Variants in DNAH5 observed in about 807,000 individuals in gnomAD.
The protein encoded by DNAH5 is dynein axonemal heavy chain 5, also known as axonemal beta dynein heavy chain 5.
DNAH5 carries 372 observed loss-of-function variants against 518.2 expected under a neutral mutation model. The observed-to-expected ratio is 0.72, with a 90% CI of 0.66 to 0.78. DNAH5 has a LOEUF of 0.78. Ranked by LOEUF, DNAH5 falls within the 30% of genes least tolerant of loss-of-function variation. The pLI, the probability that DNAH5 is intolerant of heterozygous loss-of-function variation, is 0.00. For missense variants in DNAH5, 5,523 were observed against 5,687.0 expected, an observed-to-expected ratio of 0.97 and a Z score of 0.93; for synonymous variants, 2,039 against 2,025.9, an observed-to-expected ratio of 1.01 and a Z score of -0.17.
chr5:13,841,979 C>T, intron 32 of DNAH5, 75 bp from the exon 33 acceptor site: 2 of 918,974 alleles, frequency 2.2e-6, no homozygotes, highest in Non-Finnish European at 3.4e-6. Flanking sequence ...ATTGACTTGT[C>T]CTTCCCAAAG....
chr5:13,841,168 C>T (rs768274602), intron 33 of DNAH5, 38 bp from the exon 34 acceptor site: 1 of 1,473,742 alleles, frequency 6.8e-7, no homozygotes, highest in Non-Finnish European at 9.5e-7. Flanking sequence ...ATTTGTATGG[C>T]ATATTTATGT....
At chr5:13,771,353 A>G (rs1443519647) in intron 55 of DNAH5, 1 of 268,806 alleles carries the variant, frequency 3.7e-6, no homozygotes, top group Middle Eastern at 1.3e-3. Context: ...CATATTTAAC[A>G]ATGCCATTTA....
At chr5:13,710,506 AAT>A (rs1223704033) in intron 75 of DNAH5, among the ~76,000 whole-genome samples, 1 of 152,228 alleles carries the variant, frequency 6.6e-6, no homozygotes, top group African/African-American at 2.4e-5. Flanking sequence ...AACTAAATGA[AAT>A]TGAAACAAAA....
chr5:13,749,544 T>G (rs1749912749), intron 65 of DNAH5, among the ~76,000 whole-genome samples: 1 of 152,198 alleles, frequency 6.6e-6, no homozygotes, highest in East Asian at 1.9e-4. Context: ...TTGCTGTTGT[T>G]GTGTTTTGCT....
In DNAH5 at chr5:13,820,837, A is replaced by C. The variant is rs2151815518; in HGVS notation, c.6688-338T>G. Among the ~76,000 whole-genome samples the C allele has an allele frequency of 2.1e-5, 3 of 145,366 alleles. No homozygotes were observed. In the South Asian group the frequency reaches 6.6e-4, roughly 32 times the overall value. Reference sequence around the variant, plus strand: ...AATACTCCGTCTCAAAAAAAAAAAAAAAAAAAACACATCAATGACAATCTC... The same window carrying C: ...AATACTCCGTCTCAAAAAAAAAAAACAAAAAAACACATCAATGACAATCTC... On this transcript the variant is annotated intron_variant, in intron 40 of 78. Coordinates refer to ENST00000265104, the MANE Select transcript of DNAH5 (RefSeq NM_001369.3).
At chr5:13,900,451 C>T (rs747943868) in intron 14 of DNAH5, 39 bp from the exon 15 acceptor site, 1 of 1,515,626 alleles carries the variant, frequency 6.6e-7, no homozygotes, top group East Asian at 2.3e-5. Context: ...TCAGAAAGTT[C>T]AATTCATGCA....
chr5:13,960,529 A>T (rs1781106935), intron 1 of DNAH5, among the ~76,000 whole-genome samples: 1 of 152,230 alleles, frequency 6.6e-6, no homozygotes, highest in Non-Finnish European at 1.5e-5. Flanking sequence ...GGCTGCGTTC[A>T]TGCTACAATG....
At chr5:13,946,037 G>T (rs573328737), upstream of DNAH5, among the ~76,000 whole-genome samples, 1 of 152,272 alleles carries the variant, frequency 6.6e-6, no homozygotes, top group African/African-American at 2.4e-5. Flanking sequence ...CCAGAAAATA[G>T]CAGTAGGATC....
chr5:13,881,296 A>C (rs182012937), intron 21 of DNAH5, among the ~76,000 whole-genome samples: 1 of 152,128 alleles, frequency 6.6e-6, no homozygotes, highest in Admixed American at 6.5e-5. Flanking sequence ...TTTAGACCAA[A>C]TATACCTAAC....
chr5:13,776,397 T>G, intron 55 of DNAH5, 42 bp downstream of exon 55: 1 of 1,612,990 alleles, frequency 6.2e-7, no homozygotes, highest in Non-Finnish European at 8.5e-7. Context: ...CTAGAATCCT[T>G]GAACACATGT....
chr5:13,857,221 G>A (rs1561444100), intron 30 of DNAH5, among the ~76,000 whole-genome samples: 1 of 152,036 alleles, frequency 6.6e-6, no homozygotes. Flanking sequence ...ACCAATAATA[G>A]ACAAACAGAG....
At position 13,716,663 on chromosome 5, in the gene DNAH5, T is replaced by C; in HGVS notation, c.12733A>G (p.Met4245Val). 1 of 1,613,742 alleles carries C rather than the reference T, an allele frequency of 6.2e-7. No individual in the cohort carries two copies. The highest frequency in any genetic ancestry group is 8.5e-7 in the Non-Finnish European group (1 of 1,179,702). ...CCTCCATATTGAATCTCTCCTATCA[T>C]GTAGCGGATGGTGGTCCAGGAGACA... Reference protein sequence around the residue: ...KGVSWTTIRYMIGEIQYGGRV... With the variant: ...KGVSWTTIRYVIGEIQYGGRV... Residue 4245 changes from methionine (M) to valine (V), a missense_variant, in exon 74 of 79, where the codon ATG becomes GTG. Physicochemically the swap from Met to Val is conservative, Grantham distance 21 (BLOSUM62 1). Around this residue, in one of 3 missense-constraint regions of DNAH5, gnomAD observed 5,121 missense variants for 5,223.3 expected, o/e 0.98. Transcript: ENST00000265104.
At chr5:13,731,935 C>A (rs181858233) in intron 68 of DNAH5, among the ~76,000 whole-genome samples, 1 of 152,180 alleles carries the variant, frequency 6.6e-6, no homozygotes, top group African/African-American at 2.4e-5. Context: ...AAGTTTGAGA[C>A]CAGCTGGGGC....
intron 78 of DNAH5, among the ~76,000 whole-genome samples, chr5:13,692,727 T>C (rs1050590546): frequency 3.3e-5 from 5 of 152,186 alleles, no homozygotes; most frequent in African/African-American, 9.7e-5. Flanking sequence ...TCTACCTTTC[T>C]GGAGTAGAAG....
At chr5:13,844,788 A>T (rs773621255) in intron 32 of DNAH5, 49 bp downstream of exon 32, 2 of 1,612,272 alleles carry the variant, frequency 1.2e-6, no homozygotes, top group African/African-American at 1.3e-5. Context: ...AAGACAGTTG[A>T]GGTTCGAAGG....
intron 12 of DNAH5, among the ~76,000 whole-genome samples, chr5:13,902,680 A>G (rs1774796184): frequency 6.6e-6 from 1 of 152,232 alleles, no homozygotes; most frequent in African/African-American, 2.4e-5. Flanking sequence ...TGGGCAGGGC[A>G]CTGTCTGGCT....
chr5:13,825,667 T>A (rs1237570881), intron 38 of DNAH5, among the ~76,000 whole-genome samples: 1 of 152,128 alleles, frequency 6.6e-6, no homozygotes, highest in Admixed American at 6.6e-5. Flanking sequence ...GTCAAATTCA[T>A]AGAAACAGAA....
rs111772098 is a variant in DNAH5 at position 13,923,814 on chromosome 5, C to A, written c.278-374G>T. 1.2e-3 allele frequency among the ~76,000 whole-genome samples: 188 copies of A among 152,194 alleles called. 1 individual carries two copies. Among genetic ancestry groups the A allele is most frequent in the African/African-American group, 4.4e-3 (181 of 41,532 alleles). Reference sequence around the variant, plus strand: ...ATCCCAGCACTTTGAGAGGCCGAGGCGGGCAGATCACCTGAGGTCAGGAGT... The same window carrying A: ...ATCCCAGCACTTTGAGAGGCCGAGGAGGGCAGATCACCTGAGGTCAGGAGT... On this transcript the variant is annotated intron_variant, in intron 3 of 78. Transcript: ENST00000265104.
intron 77 of DNAH5, 72 bp downstream of exon 77, chr5:13,701,212 A>G: frequency 1.3e-6 from 2 of 1,595,096 alleles, no homozygotes; most frequent in Non-Finnish European, 1.7e-6. Flanking sequence ...TATAGTCTTT[A>G]AAACTATAAT....
Sources: gnomAD v4.1 joint callset for allele counts (sites outside exome capture counted in the v4.1 genomes callset) on GRCh38, gnomAD v4.1.1 for gene constraint, gnomAD v4.1.1 regional missense constraint, MANE v1.5 for transcripts, NCBI Gene and HGNC (gene_info 2026-07-23, HGNC 2026-07-21) for gene names.